The following RBFOX3 variants were observed in gnomAD, a reference collection of about 807,000 sequenced individuals.
RBFOX3 encodes RNA binding protein fox-1 homolog 3.
Under a neutral mutation model 48.7 loss-of-function variants are expected in RBFOX3, and 17 were observed. The observed-to-expected ratio is 0.35, with a 90% CI of 0.24 to 0.52. The LOEUF (loss-of-function observed/expected upper bound fraction) is 0.52. RBFOX3 is among the 20% of genes least tolerant of loss of function. The probability of loss-of-function intolerance (pLI) is 0.94; values close to 1 mark genes in which losing one functional copy is unlikely to be tolerated. For synonymous variants in RBFOX3, 212 were observed against 209.5 expected (o/e 1.01, Z -0.10); for missense variants, 382 against 497.5 (o/e 0.77, Z 2.21).
intron 2 of RBFOX3, among the ~76,000 whole-genome samples, chr17:79,358,856 T>C (rs1028212935): frequency 6.6e-6 from 1 of 152,202 alleles, no homozygotes; most frequent in Non-Finnish European, 1.5e-5. Context: ...GGGTTTCTCA[T>C]GTGTATCAGC....
At chr17:79,295,679 T>C (rs8080155) in intron 3 of RBFOX3, among the ~76,000 whole-genome samples, 49,416 of 152,012 alleles carry the variant, frequency 0.33, 8,303 homozygotes, top group African/African-American at 0.42. Context: ...TGGTTTCCTG[T>C]CCTGCCCCAC....
At chr17:79,571,930 A>G (rs1044910770) in intron 1 of RBFOX3, among the ~76,000 whole-genome samples, 2 of 152,110 alleles carry the variant, frequency 1.3e-5, no homozygotes, top group African/African-American at 4.8e-5. Context: ...CCAGCGTCCT[A>G]TCTCACTGCC....
intron 4 of RBFOX3, among the ~76,000 whole-genome samples, chr17:79,152,421 C>T (rs926873217): frequency 1.3e-5 from 2 of 151,588 alleles, no homozygotes; most frequent in East Asian, 2.0e-4. Context: ...GGGCCGCAGC[C>T]GAGGCAAGGA....
intron 4 of RBFOX3, among the ~76,000 whole-genome samples, chr17:79,173,999 C>T (rs189607314): frequency 6.6e-6 from 1 of 152,058 alleles, no homozygotes; most frequent in Non-Finnish European, 1.5e-5. Flanking sequence ...TTTTGCTTCC[C>T]CTGAATTTGT....
chr17:79,276,824 C>T (rs555964968), intron 3 of RBFOX3, among the ~76,000 whole-genome samples: 1 of 152,310 alleles, frequency 6.6e-6, no homozygotes, highest in South Asian at 2.1e-4. Context: ...TATACAACAG[C>T]TCTCTGAGGG....
Position 79,481,715 on chromosome 17 carries a change from G to A in RBFOX3, c.-175+739C>T, listed in dbSNP as rs1480260715. Among the ~76,000 whole-genome samples, 2 of 152,164 alleles carry A rather than the reference G, an allele frequency of 1.3e-5. 1 individual carries two copies. Among genetic ancestry groups the A allele is most frequent in the African/African-American group, 4.8e-5 (2 of 41,428 alleles). Reference sequence around the variant, plus strand: ...AACACCATGGGGAATGGGTGTGGATGCTCCGAACTCAACCTGTGTGTATCA... The same window carrying A: ...AACACCATGGGGAATGGGTGTGGATACTCCGAACTCAACCTGTGTGTATCA... On this transcript the variant is annotated intron_variant, in intron 2 of 14. Transcript: ENST00000693108. The surrounding 1 kb of genome is among the most constrained non-coding windows in gnomAD (Gnocchi z 5.4).
intron 1 of RBFOX3, among the ~76,000 whole-genome samples, chr17:79,573,513 G>A (rs1350470673): frequency 1.3e-5 from 2 of 152,194 alleles, no homozygotes; most frequent in African/African-American, 2.4e-5. Context: ...AGGGGCTCCA[G>A]GCAAGGAGAG....
At chr17:79,439,922 AG>A (rs1465640649) in intron 2 of RBFOX3, among the ~76,000 whole-genome samples, 2 of 152,228 alleles carry the variant, frequency 1.3e-5, no homozygotes, top group African/African-American at 2.4e-5. Context: ...GAGTAGGAGA[AG>A]GCACACATGT....
intron 2 of RBFOX3, among the ~76,000 whole-genome samples, chr17:79,337,192 T>C (rs7209293): frequency 0.84 from 127,438 of 152,128 alleles, 53,790 homozygotes; most frequent in Non-Finnish European, 0.9. Context: ...CACGTCATCT[T>C]GGCTCCTCCT....
At chr17:79,313,599 G>A (rs1269614456) in intron 2 of RBFOX3, among the ~76,000 whole-genome samples, 1 of 152,148 alleles carries the variant, frequency 6.6e-6, no homozygotes, top group African/African-American at 2.4e-5. Context: ...AGGGAGAGAT[G>A]GGCGGGGCGG....
At chr17:79,116,731 C>T (rs1048647632) in intron 4 of RBFOX3, among the ~76,000 whole-genome samples, 1 of 152,218 alleles carries the variant, frequency 6.6e-6, no homozygotes, top group Non-Finnish European at 1.5e-5. Context: ...TCTCAAAGAT[C>T]TGTCTGTGCC....
rs552976447 is a variant in RBFOX3 at position 79,421,659 on chromosome 17, A to T, written c.-175+60795T>A. On this transcript the variant is annotated intron_variant, in intron 2 of 14. Coordinates refer to ENST00000693108, the MANE Select transcript of RBFOX3 (RefSeq NM_001350451.2). The surrounding 1 kb of genome is among the most constrained non-coding windows in gnomAD (Gnocchi z 4.5). Reference sequence around the variant, plus strand: ...CATGCGGGACCCCAGGGGCACACCGAACGCGGTCACCATAGGACCAAACAA... The same window carrying T: ...CATGCGGGACCCCAGGGGCACACCGTACGCGGTCACCATAGGACCAAACAA... Among the ~76,000 whole-genome samples, 94 of 152,114 alleles carry T rather than the reference A, an allele frequency of 6.2e-4. No homozygotes were observed. The highest frequency in any genetic ancestry group is 1.1e-3 in the Non-Finnish European group (72 of 68,010).
intron 3 of RBFOX3, among the ~76,000 whole-genome samples, chr17:79,281,539 C>T (rs2070507922): frequency 6.6e-6 from 1 of 152,182 alleles, no homozygotes; most frequent in Non-Finnish European, 1.5e-5. Context: ...AGAAGACTAT[C>T]TAGGTGCCTT....
At chr17:79,151,075 T>G (rs899735186) in intron 4 of RBFOX3, among the ~76,000 whole-genome samples, 3 of 152,156 alleles carry the variant, frequency 2.0e-5, no homozygotes, top group African/African-American at 7.2e-5. Context: ...TCCACCATGC[T>G]GGGCCCTGGA....
At chr17:79,395,915 G>A (rs2061940161) in intron 2 of RBFOX3, among the ~76,000 whole-genome samples, 1 of 152,212 alleles carries the variant, frequency 6.6e-6, no homozygotes, top group African/African-American at 2.4e-5. Context: ...CTAGGCCATG[G>A]GGCATCCCTC....
intron 1 of RBFOX3, among the ~76,000 whole-genome samples, chr17:79,549,274 G>A (rs1227737257): frequency 6.6e-6 from 1 of 152,224 alleles, no homozygotes; most frequent in Non-Finnish European, 1.5e-5. Context: ...GGCTCAGCCT[G>A]CAGGTAGGAG....
At chr17:79,265,742 G>A (rs1389477835) in intron 3 of RBFOX3, among the ~76,000 whole-genome samples, 2 of 152,166 alleles carry the variant, frequency 1.3e-5, no homozygotes, top group Admixed American at 6.5e-5. Flanking sequence ...CTCCCATTCC[G>A]GAGATTTAGT....
chr17:79,134,702 G>A (rs972277496), intron 4 of RBFOX3, among the ~76,000 whole-genome samples: 5 of 152,226 alleles, frequency 3.3e-5, no homozygotes, highest in African/African-American at 7.2e-5. Flanking sequence ...CCGTGTCAGA[G>A]ACACCATGCA....
chr17:79,345,839 G>A (rs936981036), intron 2 of RBFOX3, among the ~76,000 whole-genome samples: 8 of 151,940 alleles, frequency 5.3e-5, no homozygotes, highest in African/African-American at 1.2e-4. Context: ...TAACTTTAAT[G>A]TACTCAAGTC....
Sources: allele counts gnomAD v4.1 joint callset (sites outside exome capture counted in the v4.1 genomes callset), GRCh38; gene constraint gnomAD v4.1.1; non-coding constraint Gnocchi (gnomAD v3.1); transcripts MANE v1.5; gene names NCBI Gene and HGNC (gene_info 2026-07-23, HGNC 2026-07-21).